Variants in RCBTB1 observed in about 807,000 individuals in gnomAD.
RCBTB1 encodes RCC1 and BTB domain-containing protein 1.
A neutral mutation model predicts 62.4 loss-of-function variants in RCBTB1; 46 were observed. The ratio of observed to expected loss-of-function variants is 0.74; its 90% CI spans 0.58 to 0.94. The LOEUF (loss-of-function observed/expected upper bound fraction) is 0.94. Ranked by LOEUF, RCBTB1 falls within the 40% of genes least tolerant of loss-of-function variation. The probability of loss-of-function intolerance (pLI) is 0.00; values close to 1 mark genes in which losing one functional copy is unlikely to be tolerated. For missense variants in RCBTB1, 565 were observed against 654.9 expected (o/e 0.86, Z 1.50); for synonymous variants, 222 against 245.8 (o/e 0.90, Z 0.91).
chr13:49,539,007 T>C (rs1026722321), intron 12 of RCBTB1, among the ~76,000 whole-genome samples: 4 of 151,816 alleles, frequency 2.6e-5, no homozygotes, highest in African/African-American at 9.7e-5. Flanking sequence ...ATAGCTGGGA[T>C]TACAGGTACG....
chr13:49,551,153 G>A, intron 8 of RCBTB1, 173 bp downstream of exon 8: 1 of 607,364 alleles, frequency 1.6e-6, no homozygotes. Context: ...GAAGGGGGAA[G>A]CAGGGAGGGA....
intron 5 of RCBTB1, among the ~76,000 whole-genome samples, chr13:49,558,165 C>T (rs1239572952): frequency 3.3e-5 from 5 of 152,302 alleles, no homozygotes; most frequent in Middle Eastern, 6.8e-3. Context: ...TCCTCCCACA[C>T]CCCAAAGCTG....
intron 5 of RCBTB1, among the ~76,000 whole-genome samples, chr13:49,558,902 C>G (rs1173035150): frequency 6.6e-6 from 1 of 152,112 alleles, no homozygotes; most frequent in African/African-American, 2.4e-5. Context: ...ATGATCACCC[C>G]AACTCAGTGA....
chr13:49,550,424 A>G (rs1201146589), intron 8 of RCBTB1: 1 of 984,298 alleles, frequency 1.0e-6, no homozygotes, highest in East Asian at 1.1e-4. Context: ...ATTTCTCAGT[A>G]GTATGCTTCT....
At chr13:49,545,004 C>A (rs757731464) in intron 9 of RCBTB1, 141 bp from the exon 10 acceptor site, 2 of 607,496 alleles carry the variant, frequency 3.3e-6, no homozygotes, top group East Asian at 2.9e-5. Flanking sequence ...TTTGACAAAT[C>A]AATTCTACGG....
chr13:49,540,312 C>A (rs1960249295), intron 12 of RCBTB1, among the ~76,000 whole-genome samples: 1 of 152,194 alleles, frequency 6.6e-6, no homozygotes, highest in Admixed American at 6.5e-5. Context: ...CTTTCAGACT[C>A]CCCAAAGCCC....
chr13:49,559,468 A>G (rs1962238737), intron 5 of RCBTB1, among the ~76,000 whole-genome samples: 2 of 152,062 alleles, frequency 1.3e-5, no homozygotes, highest in Non-Finnish European at 2.9e-5. Flanking sequence ...CATCCTGGCT[A>G]ACACGGTGAA....
Position 49,544,738 on chromosome 13 carries a change from T to C in RCBTB1, c.1171A>G (p.Arg391Gly). 1 of 1,609,776 alleles carries C rather than the reference T, an allele frequency of 6.2e-7. No homozygotes were observed. The highest frequency in any genetic ancestry group is 8.5e-7 in the Non-Finnish European group (1 of 1,178,322). ...GTCTCTGAGCTCATGCAAAAATACC[T>C]GATTTTCAAAACAGCTTTATGGACA... ...IHVHKAVLKI[R>G]CEHFRSMFQS... The change falls in exon 10 of 13, where the codon AGG becomes GGG. Residue 391 changes from arginine (R) to glycine (G), a missense_variant and splice_region_variant. Transcript: ENST00000378302.
At chr13:49,543,861 A>G (rs1238326670) in intron 10 of RCBTB1, among the ~76,000 whole-genome samples, 1 of 151,918 alleles carries the variant, frequency 6.6e-6, no homozygotes, top group Non-Finnish European at 1.5e-5. Context: ...AATTTTTTCT[A>G]TTTTTTGTAG....
chr13:49,548,514 T>C (rs187146188), intron 9 of RCBTB1, among the ~76,000 whole-genome samples: 55 of 151,846 alleles, frequency 3.6e-4, no homozygotes, highest in African/African-American at 1.3e-3. Context: ...AGAACAGTCA[T>C]GACAGCACTA....
intron 9 of RCBTB1, among the ~76,000 whole-genome samples, chr13:49,545,295 G>T (rs1303161860): frequency 1.3e-5 from 2 of 152,030 alleles, no homozygotes; most frequent in Non-Finnish European, 2.9e-5. Context: ...AACTCAAGGA[G>T]GTGCAAGAAA....
At chr13:49,568,151 A>G (rs78651944) in intron 2 of RCBTB1, among the ~76,000 whole-genome samples, 308 of 152,354 alleles carry the variant, frequency 2.0e-3, no homozygotes, top group African/African-American at 7.2e-3. Context: ...TAAAAACAGA[A>G]GCACAAATGG....
intron 10 of RCBTB1, among the ~76,000 whole-genome samples, chr13:49,543,840 C>T (rs1009808500): frequency 6.6e-6 from 1 of 152,150 alleles, no homozygotes; most frequent in Non-Finnish European, 1.5e-5. Flanking sequence ...AATGCACCAC[C>T]ACACCTGGCT....
intron 8 of RCBTB1, chr13:49,551,040 T>G: frequency 3.2e-6 from 1 of 315,154 alleles, no homozygotes; most frequent in Non-Finnish European, 5.9e-6. Flanking sequence ...GAAGTGAAGG[T>G]TGCAGTGAGC....
intron 4 of RCBTB1, among the ~76,000 whole-genome samples, chr13:49,562,227 A>G (rs1039912945): frequency 2.6e-5 from 4 of 152,194 alleles, no homozygotes; most frequent in Non-Finnish European, 5.9e-5. Context: ...AAGAAAGAAC[A>G]CTTGGAAATA....
In RCBTB1 at chr13:49,560,029, C is replaced by A. The variant is rs777610386; in HGVS notation, c.333G>T (p.Thr111=). 1 of 1,614,146 alleles carries A rather than the reference C, an allele frequency of 6.2e-7. No individual in the cohort carries two copies. ...GGACGGGAGCAATGCCTTGGTTGGT[C>A]GTCCCATTCCCAAGCTGGCTATATC... ...HNGYSQLGNG[T]TNQGIAPVQV... Residue 111 remains threonine, a synonymous_variant, in exon 5 of 13, where the codon ACG becomes ACT. Coordinates refer to ENST00000378302, the MANE Select transcript of RCBTB1 (RefSeq NM_018191.4).
chr13:49,534,364 C>T (rs1187467340), intron 12 of RCBTB1, 102 bp from the exon 13 acceptor site: 8 of 1,243,382 alleles, frequency 6.4e-6, no homozygotes, highest in African/African-American at 6.0e-5. Flanking sequence ...CACCCTCCCC[C>T]AGAAAAGATA....
chr13:49,544,964 C>A, intron 9 of RCBTB1, 101 bp from the exon 10 acceptor site: 3 of 930,496 alleles, frequency 3.2e-6, no homozygotes, highest in Non-Finnish European at 4.8e-6. Flanking sequence ...GATAATTCCA[C>A]TTGTTTTTTT....
intron 2 of RCBTB1, among the ~76,000 whole-genome samples, chr13:49,577,676 G>A (rs1213137761): frequency 2.0e-5 from 3 of 152,096 alleles, no homozygotes; most frequent in African/African-American, 7.2e-5. Flanking sequence ...GACGCTTCTG[G>A]TGTCATTTTA....
Sources: gnomAD v4.1 joint callset for allele counts (sites outside exome capture counted in the v4.1 genomes callset) on GRCh38, gnomAD v4.1.1 for gene constraint, MANE v1.5 for transcripts, NCBI Gene and HGNC (gene_info 2026-07-23, HGNC 2026-07-21) for gene names.